Variants in GRIA1 observed in about 807,000 individuals in gnomAD.
GRIA1 encodes the protein glutamate ionotropic receptor AMPA type subunit 1, also known as glutamate receptor 1.
GRIA1 carries 31 observed loss-of-function variants against 99.2 expected under a neutral mutation model. The ratio of observed to expected loss-of-function variants is 0.31; its 90% CI spans 0.23 to 0.42. GRIA1 has a LOEUF of 0.42. GRIA1 is among the 10% of genes least tolerant of loss of function. The pLI, the probability that GRIA1 is intolerant of heterozygous loss-of-function variation, is 1.00. For missense variants in GRIA1, 782 were observed against 1,157.5 expected, an observed-to-expected ratio of 0.68 and a Z score of 4.71; for synonymous variants, 438 against 432.4, an observed-to-expected ratio of 1.01 and a Z score of -0.16.
At position 153,698,171 on chromosome 5, in the gene GRIA1, T is replaced by C. The variant is rs1443061330; in HGVS notation, c.1245+17T>C. 6 of 1,325,354 alleles carry C rather than the reference T, an allele frequency of 4.5e-6. No homozygotes were observed. Among genetic ancestry groups the C allele is most frequent in the East Asian group, 2.3e-5 (1 of 43,314 alleles). 82.1% of individuals were successfully genotyped at this position (1,325,354 alleles called of 1,614,324 possible). A position where few individuals can be genotyped will look rare whatever the true frequency, so the allele number is the denominator to read the frequency against. On this transcript the variant is annotated intron_variant, in intron 9 of 15. Transcript: ENST00000285900. ...ACAATCCTAGTGAGTACTCAGTCCT[T>C]CATCAAGGTTACTTGGGATTCAAGC...
intron 11 of GRIA1, among the ~76,000 whole-genome samples, chr5:153,735,946 C>T (rs1208435029): frequency 1.3e-5 from 2 of 152,092 alleles, no homozygotes; most frequent in Non-Finnish European, 2.9e-5. Flanking sequence ...GTCCATTAGA[C>T]ATACAAAAGG....
At chr5:153,696,033 A>T (rs1207255948) in intron 8 of GRIA1, among the ~76,000 whole-genome samples, 4 of 152,152 alleles carry the variant, frequency 2.6e-5, no homozygotes, top group African/African-American at 9.7e-5. Context: ...ACACACAAAC[A>T]GCTAGACCCA....
At position 153,547,232 on chromosome 5, in the gene GRIA1, A is replaced by C. The variant is rs1759692686; in HGVS notation, c.220+53167A>C. Among the ~76,000 whole-genome samples, 3 of 152,098 alleles carry C rather than the reference A, an allele frequency of 2.0e-5. No individual in the cohort carries two copies. The South Asian group carries it at 6.2e-4, about 32-fold the overall frequency. On this transcript the variant is annotated intron_variant, in intron 2 of 15. Transcript: ENST00000285900. ...GTTAGTGTATGTGATGTGTGGTCCA[A>C]GACAATGCTTCTTCTTTCAATGCAG... is the stretch of plus-strand genomic sequence containing the variant.
intron 5 of GRIA1, among the ~76,000 whole-genome samples, chr5:153,664,302 C>T (rs1190345511): frequency 2.0e-5 from 3 of 152,156 alleles, no homozygotes; most frequent in Non-Finnish European, 2.9e-5. Context: ...CCTTATGTTG[C>T]AGCAAAGGTT....
chr5:153,600,654 C>T (rs1034035443), intron 2 of GRIA1, among the ~76,000 whole-genome samples: 1 of 152,050 alleles, frequency 6.6e-6, no homozygotes, highest in Non-Finnish European at 1.5e-5. Flanking sequence ...AGGAGAAGTG[C>T]CTGTCTGTTT....
At chr5:153,528,592 TGC>T (rs1757820910) in intron 2 of GRIA1, among the ~76,000 whole-genome samples, 3 of 152,242 alleles carry the variant, frequency 2.0e-5, no homozygotes, top group Non-Finnish European at 4.4e-5. Flanking sequence ...ATGCTGATGC[TGC>T]TGGTCCAGGG....
chr5:153,594,353 G>T (rs896347868), intron 2 of GRIA1, among the ~76,000 whole-genome samples: 3 of 152,034 alleles, frequency 2.0e-5, no homozygotes, highest in Non-Finnish European at 4.4e-5. Flanking sequence ...CATATGTTAG[G>T]CTTCCAAGAT....
chr5:153,647,705 T>C (rs1338243788), intron 3 of GRIA1, among the ~76,000 whole-genome samples: 1 of 152,222 alleles, frequency 6.6e-6, no homozygotes, highest in African/African-American at 2.4e-5. Context: ...TTTTAGATGT[T>C]ATCATCATCA....
chr5:153,540,744 G>A (rs899975233), intron 2 of GRIA1, among the ~76,000 whole-genome samples: 9 of 152,048 alleles, frequency 5.9e-5, no homozygotes, highest in East Asian at 1.9e-4. Flanking sequence ...AAGGTAAAGC[G>A]ATAAAGACTA....
At chr5:153,526,449 T>C (rs992952154) in intron 2 of GRIA1, among the ~76,000 whole-genome samples, 1 of 152,254 alleles carries the variant, frequency 6.6e-6, no homozygotes, top group African/African-American at 2.4e-5. Flanking sequence ...GTTATGGTGA[T>C]AGATTGCAGA....
At chr5:153,758,840 A>T (rs2149600243) in intron 11 of GRIA1, among the ~76,000 whole-genome samples, 1 of 152,098 alleles carries the variant, frequency 6.6e-6, no homozygotes, top group South Asian at 2.1e-4. Flanking sequence ...CATATATCAC[A>T]ATACAAAACA....
chr5:153,808,674 C>T (rs1456285936), intron 15 of GRIA1, among the ~76,000 whole-genome samples: 1 of 152,174 alleles, frequency 6.6e-6, no homozygotes, highest in Non-Finnish European at 1.5e-5. Context: ...TTCCAATGTG[C>T]AACCAAGTTT....
intron 2 of GRIA1, among the ~76,000 whole-genome samples, chr5:153,627,989 A>G (rs1323419875): frequency 6.6e-6 from 1 of 152,148 alleles, no homozygotes; most frequent in East Asian, 1.9e-4. Context: ...AGGCAAACCC[A>G]GGCAGGCTAG....
intron 11 of GRIA1, among the ~76,000 whole-genome samples, chr5:153,753,184 A>G (rs889323034): frequency 5.3e-5 from 8 of 152,256 alleles, no homozygotes. Flanking sequence ...CAGACCTCTA[A>G]TCTACAGAAC....
intron 13 of GRIA1, among the ~76,000 whole-genome samples, chr5:153,792,643 T>C (rs563736290): frequency 6.6e-6 from 1 of 152,324 alleles, no homozygotes; most frequent in Non-Finnish European, 1.5e-5. Flanking sequence ...AAAAATACCC[T>C]TTGTGTGTTA....
In GRIA1 at chr5:153,532,712, A is replaced by G. The variant is rs147780766; in HGVS notation, c.220+38647A>G. ...TGGGCATCTGGATTTGGGAACCTTA[A>G]CCTGAGGATCTTGGTAAAACCTCCT... is the stretch of plus-strand genomic sequence containing the variant. On this transcript the variant is annotated intron_variant, in intron 2 of 15. Coordinates refer to ENST00000285900, the MANE Select transcript of GRIA1 (RefSeq NM_000827.4). 5.0e-3 allele frequency among the ~76,000 whole-genome samples: 765 copies of G among 152,270 alleles called. 1 individual carries two copies. The highest frequency in any genetic ancestry group is 7.8e-3 in the Non-Finnish European group (531 of 68,018).
At chr5:153,698,770 G>A (rs1189261499) in intron 9 of GRIA1, 97 bp from the exon 10 acceptor site, 2 of 781,174 alleles carry the variant, frequency 2.6e-6, no homozygotes, top group African/African-American at 3.4e-5. Context: ...GCCTTCCCCA[G>A]TGTTAACCAA....
chr5:153,695,279 C>T (rs886713813), intron 8 of GRIA1, among the ~76,000 whole-genome samples: 4 of 152,028 alleles, frequency 2.6e-5, no homozygotes, highest in Non-Finnish European at 4.4e-5. Context: ...AAAAACAAAA[C>T]AATACCAAAG....
chr5:153,797,349 C>T (rs919181232), intron 14 of GRIA1, among the ~76,000 whole-genome samples: 1 of 152,208 alleles, frequency 6.6e-6, no homozygotes, highest in African/African-American at 2.4e-5. Context: ...CACCCTGGAT[C>T]CTGTCCAAAG....
Sources: gnomAD v4.1 joint callset for allele counts (sites outside exome capture counted in the v4.1 genomes callset) on GRCh38, gnomAD v4.1.1 for gene constraint, MANE v1.5 for transcripts, NCBI Gene and HGNC (gene_info 2026-07-23, HGNC 2026-07-21) for gene names.